Variants in ITGA8 observed in about 807,000 individuals in gnomAD.
ITGA8 encodes integrin subunit alpha 8.
In ITGA8, 91 loss-of-function variants were observed where a neutral mutation model predicts 142.3. The ratio of observed to expected loss-of-function variants is 0.64; its 90% confidence interval spans 0.54 to 0.76. ITGA8 has a LOEUF of 0.76. Ranked by LOEUF, ITGA8 falls within the 30% of genes least tolerant of loss-of-function variation. ITGA8 has a pLI of 0.00. For missense variants in ITGA8, 1,406 were observed against 1,327.7 expected (o/e 1.06, Z -0.92); for synonymous variants, 505 against 485.2 (o/e 1.04, Z -0.54).
At chr10:15,687,824 G>T (rs951169139) in intron 3 of ITGA8, 114 bp downstream of exon 3, 3 of 642,714 alleles carry the variant, frequency 4.7e-6, no homozygotes, top group Non-Finnish European at 8.5e-6. Flanking sequence ...CAGCCTTATC[G>T]TTGAAAGTCT....
At chr10:15,683,860 C>G (rs925208436) in intron 4 of ITGA8, 144 bp downstream of exon 4, 1 of 805,358 alleles carries the variant, frequency 1.2e-6, no homozygotes, top group Non-Finnish European at 2.0e-6. Context: ...ACCTGTAAGG[C>G]TGACAAAAAT....
intron 25 of ITGA8, among the ~76,000 whole-genome samples, chr10:15,571,839 G>A (rs763012682): frequency 1.8e-4 from 27 of 152,114 alleles, no homozygotes; most frequent in Non-Finnish European, 3.2e-4. Flanking sequence ...AGATCCTTAC[G>A]AAATTTGGCA....
intron 26 of ITGA8, among the ~76,000 whole-genome samples, chr10:15,549,442 C>A (rs1001034851): frequency 6.6e-6 from 1 of 152,038 alleles, no homozygotes; most frequent in African/African-American, 2.4e-5. Flanking sequence ...CACTCCTGAC[C>A]TCAGGTGATC....
chr10:15,671,564 A>G (rs374581289), intron 8 of ITGA8, 39 bp downstream of exon 8: 3 of 1,558,588 alleles, frequency 1.9e-6, no homozygotes, highest in South Asian at 2.2e-5. Flanking sequence ...CCATTTCCCC[A>G]TGCTTTATAA....
intron 2 of ITGA8, among the ~76,000 whole-genome samples, chr10:15,694,752 C>A (rs1247053442): frequency 7.7e-6 from 1 of 130,346 alleles, no homozygotes; most frequent in Non-Finnish European, 1.6e-5. Context: ...AACCTAAGTC[C>A]AAGAATTCAA....
intron 19 of ITGA8, among the ~76,000 whole-genome samples, chr10:15,604,678 T>C (rs371228952): frequency 1.3e-5 from 2 of 151,962 alleles, no homozygotes; most frequent in African/African-American, 4.8e-5. Flanking sequence ...CCAACATATT[T>C]AACAATCTAC....
intron 8 of ITGA8, among the ~76,000 whole-genome samples, chr10:15,666,711 G>A (rs1359247380): frequency 6.6e-6 from 1 of 152,134 alleles, no homozygotes; most frequent in East Asian, 1.9e-4. Flanking sequence ...CTAATTTATT[G>A]AGAGTTTTTA....
intron 26 of ITGA8, among the ~76,000 whole-genome samples, chr10:15,553,023 G>A (rs534674103): frequency 3.3e-5 from 5 of 152,282 alleles, no homozygotes; most frequent in East Asian, 1.9e-4. Flanking sequence ...TTGGGAGGAC[G>A]AGGTGGGACG....
At chr10:15,564,639 A>G (rs1834045998) in intron 25 of ITGA8, among the ~76,000 whole-genome samples, 1 of 152,244 alleles carries the variant, frequency 6.6e-6, no homozygotes, top group Non-Finnish European at 1.5e-5. Flanking sequence ...ATAGGTTTAA[A>G]TTTATGGATT....
intron 11 of ITGA8, among the ~76,000 whole-genome samples, chr10:15,651,425 A>G (rs1564392549): frequency 6.6e-6 from 1 of 152,154 alleles, no homozygotes; most frequent in Admixed American, 6.5e-5. Flanking sequence ...CACAACTGTT[A>G]AGTCTAAATG....
chr10:15,647,893 T>G (rs1834016569), intron 11 of ITGA8, among the ~76,000 whole-genome samples: 1 of 152,214 alleles, frequency 6.6e-6, no homozygotes, highest in Admixed American at 6.5e-5. Context: ...CAAACAACTT[T>G]TCAGCCCAAA....
chr10:15,665,743 A>G (rs1834378227), intron 8 of ITGA8, among the ~76,000 whole-genome samples: 1 of 152,232 alleles, frequency 6.6e-6, no homozygotes, highest in Admixed American at 6.5e-5. Flanking sequence ...ATGGCTAGCC[A>G]GTTTTCCCAG....
chr10:15,540,250 G>A (rs749648435), intron 27 of ITGA8, among the ~76,000 whole-genome samples: 4 of 152,054 alleles, frequency 2.6e-5, no homozygotes, highest in East Asian at 1.9e-4. Context: ...CCTTCTGACC[G>A]TATTTTTGTA....
intron 9 of ITGA8, 52 bp downstream of exon 9, chr10:15,660,827 A>G (rs1004627531): frequency 1.4e-6 from 2 of 1,386,164 alleles, no homozygotes; most frequent in South Asian, 1.2e-5. Flanking sequence ...TCCATCAAGG[A>G]GCACCTATAC....
At chr10:15,592,012 TG>T (rs200464504) in intron 22 of ITGA8, among the ~76,000 whole-genome samples, 270 of 152,290 alleles carry the variant, frequency 1.8e-3, no homozygotes, top group African/African-American at 6.2e-3. Flanking sequence ...TCTCATAACT[TG>T]GTCTGTATAA....
At position 15,531,158 on chromosome 10, in the gene ITGA8, G is replaced by A. The variant is rs770961926; in HGVS notation, c.2881-7C>T. ...CATAGGGATCATTTTTTCTCTGAAA[G>A]TAAAAGTATTTATTTAAATATATTT... On this transcript the variant is annotated splice_region_variant and splice_polypyrimidine_tract_variant and intron_variant, in intron 27 of 29. Transcript: ENST00000378076. 11 of 1,384,794 alleles carry A rather than the reference G, an allele frequency of 7.9e-6. No homozygotes were observed. The African/African-American group carries it at 1.6e-4, about 21-fold the overall frequency. The allele number at this position is 1,384,794 out of a possible 1,614,324, so 85.8% of individuals were successfully genotyped here. A position where few individuals can be genotyped will look rare whatever the true frequency, so the allele number is the denominator to read the frequency against.
intron 15 of ITGA8, among the ~76,000 whole-genome samples, chr10:15,610,663 G>T (rs765409237): frequency 6.6e-6 from 1 of 152,168 alleles, no homozygotes; most frequent in South Asian, 2.1e-4. Context: ...ATGATTCTGC[G>T]TTGTGACTGT....
chr10:15,632,988 C>G (rs77667311), intron 13 of ITGA8, among the ~76,000 whole-genome samples: 16 of 152,156 alleles, frequency 1.1e-4, no homozygotes, highest in African/African-American at 3.1e-4. Flanking sequence ...TTATCCTCCC[C>G]TGGGATACTT....
chr10:15,702,179 A>G (rs185742242), intron 2 of ITGA8, among the ~76,000 whole-genome samples: 12 of 152,316 alleles, frequency 7.9e-5, no homozygotes, highest in Non-Finnish European at 1.6e-4. Context: ...TTTATGATCT[A>G]TATCACGTAT....
Sources: allele counts gnomAD v4.1 joint callset (sites outside exome capture counted in the v4.1 genomes callset), GRCh38; gene constraint gnomAD v4.1.1; transcripts MANE v1.5; gene names NCBI Gene and HGNC (gene_info 2026-07-23, HGNC 2026-07-21).